Variants in COBLL1 observed in about 807,000 individuals in gnomAD.
The protein encoded by COBLL1 is cordon-bleu protein-like 1.
COBLL1 carries 50 observed loss-of-function variants against 94.8 expected under a neutral mutation model. The ratio of observed to expected loss-of-function variants is 0.53; its 90% CI spans 0.42 to 0.67. The LOEUF is 0.67. Among genes scored for constraint, COBLL1 ranks in the 30% least tolerant of loss-of-function variants. COBLL1 has a pLI of 0.00. For missense variants in COBLL1, 1,362 were observed against 1,348.7 expected (o/e 1.01, Z -0.15); for synonymous variants, 448 against 473.8 (o/e 0.95, Z 0.71).
intron 13 of COBLL1, among the ~76,000 whole-genome samples, chr2:164,688,602 C>T (rs1025959169): frequency 1.3e-5 from 2 of 152,088 alleles, no homozygotes; most frequent in Non-Finnish European, 2.9e-5. Context: ...ACATAGCTTT[C>T]TTTTTTCCAT....
chr2:164,772,555 C>T (rs1370598946), intron 2 of COBLL1, among the ~76,000 whole-genome samples: 1 of 151,966 alleles, frequency 6.6e-6, no homozygotes. Context: ...ATCACTTATT[C>T]TAAGAAGACT....
In COBLL1 at chr2:164,694,976, G is replaced by GCT. The variant is rs763851669; in HGVS notation, c.2414_2415dup (p.His806SerfsTer8). The GCT allele has an allele frequency of 1.9e-6, 3 of 1,614,000 alleles. No individual in the cohort carries two copies. The Admixed American group carries it at 5.0e-5, about 27-fold the overall frequency. ...GAGCTCACAGAACTGGGCACTTGAT[G>GCT]CTCTGTTCTCAGGTTAGGCTTCGGT... is the stretch of plus-strand genomic sequence containing the variant. On this transcript the variant is annotated frameshift_variant, in exon 12 of 14. Transcript: ENST00000652658. LOFTEE classifies it high-confidence loss of function.
intron 2 of COBLL1, among the ~76,000 whole-genome samples, chr2:164,746,816 G>GCCTTTTCCTTGAACACAT (rs1686881574): frequency 6.6e-6 from 1 of 151,930 alleles, no homozygotes; most frequent in African/African-American, 2.4e-5. Context: ...CAGGACTCTT[G>GCCTTTTCCTTGAACACAT]CCTTTTCCTT....
At chr2:164,803,351 G>T (rs1366448258) in intron 2 of COBLL1, among the ~76,000 whole-genome samples, 2 of 151,644 alleles carry the variant, frequency 1.3e-5, no homozygotes, top group South Asian at 2.1e-4. Context: ...GGATCACGAG[G>T]TCAGGAGATC....
At chr2:164,666,838 C>A (rs2105385121) in intron 1 of COBLL1, among the ~76,000 whole-genome samples, 1 of 152,268 alleles carries the variant, frequency 6.6e-6, no homozygotes. Flanking sequence ...TTATTTCTAC[C>A]ACATCTGCTG....
chr2:164,777,701 C>T (rs1688534495), intron 2 of COBLL1, among the ~76,000 whole-genome samples: 2 of 152,262 alleles, frequency 1.3e-5, no homozygotes, highest in South Asian at 4.1e-4. Context: ...TGTAAAACAA[C>T]TTCCTTAACA....
intron 2 of COBLL1, among the ~76,000 whole-genome samples, chr2:164,760,301 A>C (rs1687615698): frequency 6.6e-6 from 1 of 152,206 alleles, no homozygotes; most frequent in Admixed American, 6.5e-5. Context: ...TCAAGGAGTT[A>C]CATACTGTAT....
intron 3 of COBLL1, among the ~76,000 whole-genome samples, chr2:164,741,699 A>G (rs1574502424): frequency 1.3e-5 from 2 of 152,234 alleles, no homozygotes; most frequent in South Asian, 2.1e-4. Context: ...ATGGAAAGTT[A>G]CTCAGATTTA....
intron 9 of COBLL1, among the ~76,000 whole-genome samples, chr2:164,703,836 T>G (rs961020169): frequency 3.3e-5 from 5 of 152,184 alleles, no homozygotes; most frequent in African/African-American, 1.2e-4. Flanking sequence ...ACTCTAAAGA[T>G]TAAAACATTT....
intron 2 of COBLL1, among the ~76,000 whole-genome samples, chr2:164,659,895 T>C (rs1691042663): frequency 6.6e-6 from 1 of 152,182 alleles, no homozygotes; most frequent in Non-Finnish European, 1.5e-5. Flanking sequence ...GGAAATAACT[T>C]TATAGAGAAA....
intron 2 of COBLL1, among the ~76,000 whole-genome samples, chr2:164,774,327 G>A (rs1289817224): frequency 6.6e-6 from 1 of 152,084 alleles, no homozygotes; most frequent in African/African-American, 2.4e-5. Context: ...GCCTCAATAC[G>A]GCCAATGGAA....
rs1193190890 is a variant in COBLL1, at chr2:164,694,649, T to C, written c.2743A>G (p.Thr915Ala). ...ERDMLPSPEQ[T>A]LSPLSKMPHS... ...GGCATTTTACTTAAGGGAGAAAGAGTCTGCTCCGGAGAAGGCAGCATATCC... is the reference window on the plus strand; with the variant it reads ...GGCATTTTACTTAAGGGAGAAAGAGCCTGCTCCGGAGAAGGCAGCATATCC... Residue 915 changes from threonine (T) to alanine (A), a missense_variant, in exon 12 of 14, where the codon ACT becomes GCT. Physicochemically the swap from Thr to Ala is moderately conservative, Grantham distance 58. Coordinates refer to ENST00000652658, the MANE Select transcript of COBLL1 (RefSeq NM_001365672.2). 2.5e-6 allele frequency: 4 copies of C among 1,613,410 alleles called. No homozygotes were observed. The highest frequency in any genetic ancestry group is 2.2e-5 in the East Asian group (1 of 44,856).
At chr2:164,745,161 T>G (rs2105566931) in intron 2 of COBLL1, among the ~76,000 whole-genome samples, 1 of 152,236 alleles carries the variant, frequency 6.6e-6, no homozygotes, top group South Asian at 2.1e-4. Context: ...ATCCACCTAT[T>G]CGGTATTTTC....
intron 2 of COBLL1, among the ~76,000 whole-genome samples, chr2:164,784,950 A>G (rs1688884176): frequency 6.6e-6 from 1 of 152,002 alleles, no homozygotes; most frequent in South Asian, 2.1e-4. Flanking sequence ...GCCTAATGAG[A>G]GATGTTTAGG....
intron 2 of COBLL1, chr2:164,779,933 G>T: frequency 4.6e-6 from 1 of 217,208 alleles, no homozygotes; most frequent in Non-Finnish European, 1.0e-5. Flanking sequence ...GCCAAGATGA[G>T]GCCTAATGAG....
chr2:164,704,871 C>T, intron 8 of COBLL1, 81 bp downstream of exon 8: 1 of 1,345,700 alleles, frequency 7.4e-7, no homozygotes, highest in East Asian at 2.4e-5. Context: ...AAAAGCATAA[C>T]TTACATACCC....
At chr2:164,749,699 T>C (rs956342886) in intron 2 of COBLL1, among the ~76,000 whole-genome samples, 1 of 152,196 alleles carries the variant, frequency 6.6e-6, no homozygotes, top group African/African-American at 2.4e-5. Context: ...TTGATGAGCC[T>C]AATTTCAAAT....
rs947802243 is a variant in COBLL1, at chr2:164,841,503, G to A, written c.-51+207C>T. On this transcript the variant is annotated intron_variant, in intron 1 of 13. Transcript: ENST00000652658. The surrounding 1 kb of genome is among the most constrained non-coding windows in gnomAD (Gnocchi z 5.5). ...CCCGCCCCGTGGGGTTTACTGGGTA[G>A]CCATTTGGCGCCTCTCGGAGGGAGA... The A allele has an allele frequency of 3.7e-6, 4 of 1,083,484 alleles. No homozygotes were observed. Among genetic ancestry groups the A allele is most frequent in the Non-Finnish European group, 4.5e-6 (4 of 882,190 alleles). 67.1% of individuals were successfully genotyped at this position (1,083,484 alleles called of 1,614,324 possible).
At chr2:164,706,611 C>T (rs1469678558) in intron 7 of COBLL1, among the ~76,000 whole-genome samples, 4 of 152,142 alleles carry the variant, frequency 2.6e-5, no homozygotes, top group Admixed American at 6.5e-5. Flanking sequence ...TTCTCACAGC[C>T]TTCCCTGTCT....
Sources: gnomAD v4.1 joint callset for allele counts (sites outside exome capture counted in the v4.1 genomes callset) on GRCh38, gnomAD v4.1.1 for gene constraint, Gnocchi (gnomAD v3.1) non-coding constraint, MANE v1.5 for transcripts, NCBI Gene and HGNC (gene_info 2026-07-23, HGNC 2026-07-21) for gene names.